Variants in RUNDC3B observed in about 807,000 individuals in gnomAD.
RUNDC3B encodes the protein RUN domain-containing protein 3B.
RUNDC3B carries 33 observed loss-of-function variants against 58.4 expected under a neutral mutation model. That is an observed-to-expected ratio of 0.56 (90% CI 0.43 to 0.75). The LOEUF is 0.75. Ranked by LOEUF, RUNDC3B falls within the 30% of genes least tolerant of loss-of-function variation. The pLI, the probability that RUNDC3B is intolerant of heterozygous loss-of-function variation, is 0.00. For synonymous variants in RUNDC3B, 193 were observed against 195.2 expected, an observed-to-expected ratio of 0.99 and a Z score of 0.10; for missense variants, 501 against 535.7, an observed-to-expected ratio of 0.94 and a Z score of 0.64.
intron 4 of RUNDC3B, among the ~76,000 whole-genome samples, chr7:87,725,513 C>T (rs990707429): frequency 6.6e-6 from 1 of 152,126 alleles, no homozygotes; most frequent in Non-Finnish European, 1.5e-5. Context: ...GGGTTAGTTC[C>T]AACTCTTTGC....
intron 1 of RUNDC3B, among the ~76,000 whole-genome samples, chr7:87,647,725 T>C (rs1823152942): frequency 6.6e-6 from 1 of 152,200 alleles, no homozygotes. Flanking sequence ...CCACTAGCTC[T>C]TTAGTCCACA....
chr7:87,714,680 A>G (rs940747392), intron 4 of RUNDC3B, among the ~76,000 whole-genome samples: 3 of 152,136 alleles, frequency 2.0e-5, no homozygotes, highest in African/African-American at 7.2e-5. Context: ...ATTCTCAGAA[A>G]GGAGTATGCC....
intron 4 of RUNDC3B, among the ~76,000 whole-genome samples, chr7:87,726,359 C>CA (rs1831230085): frequency 6.6e-6 from 1 of 152,158 alleles, no homozygotes; most frequent in Admixed American, 6.5e-5. Flanking sequence ...ATCCTTTCCC[C>CA]ATTGCTGGTT....
In RUNDC3B at chr7:87,758,803, T is replaced by C. The variant is rs114084203; in HGVS notation, c.630-11778T>C. On this transcript the variant is annotated intron_variant, in intron 6 of 10. Transcript: ENST00000394654. ...ATATCATCTCACTCTAGTTAAAATG[T>C]CCTTTATTCAAAAGACAGGCAATAA... is the stretch of plus-strand genomic sequence containing the variant. Among the ~76,000 whole-genome samples the C allele has an allele frequency of 2.9e-3, 447 of 152,224 alleles. 1 individual carries two copies. The highest frequency in any genetic ancestry group is 0.01 in the African/African-American group (424 of 41,552).
At chr7:87,653,182 A>G (rs1823752154) in intron 2 of RUNDC3B, among the ~76,000 whole-genome samples, 1 of 152,086 alleles carries the variant, frequency 6.6e-6, no homozygotes, top group African/African-American at 2.4e-5. Flanking sequence ...ATTAATAACA[A>G]TATTAGAATT....
chr7:87,695,607 T>C (rs965343115), intron 2 of RUNDC3B, among the ~76,000 whole-genome samples: 1 of 152,120 alleles, frequency 6.6e-6, no homozygotes, highest in Non-Finnish European at 1.5e-5. Context: ...ATATTTTAAC[T>C]AACAGAACTT....
At position 87,663,404 on chromosome 7, in the gene RUNDC3B, T is replaced by A. The variant is rs1259375223; in HGVS notation, c.238+12467T>A. On this transcript the variant is annotated intron_variant, in intron 2 of 10. Coordinates refer to ENST00000394654, the MANE Select transcript of RUNDC3B (RefSeq NM_001134405.2). ...CCTGTTTTCTCTCTATTTCCATCTA[T>A]CTAGTCAATACTTATTAAGCTTTCC... Among the ~76,000 whole-genome samples the A allele has an allele frequency of 2.6e-5, 4 of 152,164 alleles. No individual in the cohort carries two copies. In the East Asian group the frequency reaches 7.7e-4, roughly 29 times the overall value.
At chr7:87,689,220 GT>G (rs1827777259) in intron 2 of RUNDC3B, among the ~76,000 whole-genome samples, 1 of 151,974 alleles carries the variant, frequency 6.6e-6, no homozygotes, top group Non-Finnish European at 1.5e-5. Context: ...TTAAAGAAAT[GT>G]TTTAGTCTAC....
intron 10 of RUNDC3B, among the ~76,000 whole-genome samples, chr7:87,818,112 A>G (rs951662757): frequency 5.3e-5 from 8 of 152,282 alleles, no homozygotes; most frequent in Non-Finnish European, 1.0e-4. Flanking sequence ...TATATTTTAA[A>G]AGCTAATTCA....
chr7:87,778,551 A>C (rs758498067), intron 8 of RUNDC3B, among the ~76,000 whole-genome samples: 7 of 152,166 alleles, frequency 4.6e-5, no homozygotes, highest in Non-Finnish European at 1.0e-4. Flanking sequence ...ATATTATTCC[A>C]AATGCATATG....
At chr7:87,791,167 AAG>A (rs1341584389) in intron 8 of RUNDC3B, among the ~76,000 whole-genome samples, 14 of 152,164 alleles carry the variant, frequency 9.2e-5, no homozygotes, top group African/African-American at 3.4e-4. Context: ...TACAGGTCCG[AAG>A]AGAGTGGCAT....
intron 4 of RUNDC3B, among the ~76,000 whole-genome samples, chr7:87,714,792 A>G (rs1830404559): frequency 6.6e-6 from 1 of 151,874 alleles, no homozygotes; most frequent in African/African-American, 2.4e-5. Context: ...GCATCCGTTT[A>G]TAGGCTCTCC....
intron 7 of RUNDC3B, among the ~76,000 whole-genome samples, chr7:87,773,836 C>T (rs767560034): frequency 1.3e-5 from 2 of 152,044 alleles, no homozygotes; most frequent in African/African-American, 2.4e-5. Flanking sequence ...TGACACCACA[C>T]CTGGCCAATT....
chr7:87,830,083 T>C lies in RUNDC3B; in HGVS notation c.*53T>C. On this transcript the variant is annotated 3_prime_UTR_variant, in exon 11 of 11. Coordinates refer to ENST00000394654, the MANE Select transcript of RUNDC3B (RefSeq NM_001134405.2). The stretch of plus-strand genomic sequence containing the variant: ...TTATGTTGTAAATGTTTAATTTACA[T>C]GTTTGACTGCTGGGAAGACCTTTGA... The C allele has an allele frequency of 1.7e-6, 2 of 1,196,020 alleles. No individual in the cohort carries two copies. The highest frequency in any genetic ancestry group is 1.6e-5 in the African/African-American group (1 of 64,202). 74.1% of individuals were successfully genotyped at this position (1,196,020 alleles called of 1,614,324 possible).
At chr7:87,709,744 T>C (rs1465588778) in intron 3 of RUNDC3B, among the ~76,000 whole-genome samples, 1 of 152,204 alleles carries the variant, frequency 6.6e-6, no homozygotes, top group East Asian at 1.9e-4. Context: ...ATACTGCCAT[T>C]GCAGTGTTTC....
chr7:87,668,591 T>C (rs1825508581), intron 2 of RUNDC3B, among the ~76,000 whole-genome samples: 1 of 152,122 alleles, frequency 6.6e-6, no homozygotes, highest in African/African-American at 2.4e-5. Context: ...GAGATCTCTC[T>C]AACTTTTTGA....
intron 6 of RUNDC3B, among the ~76,000 whole-genome samples, chr7:87,763,651 C>G (rs1159374505): frequency 6.6e-6 from 1 of 151,626 alleles, no homozygotes; most frequent in East Asian, 1.9e-4. Flanking sequence ...TTTAGGCAAT[C>G]CATTTATTTT....
chr7:87,795,658 AC>A (rs1413956857), intron 8 of RUNDC3B, among the ~76,000 whole-genome samples: 2 of 151,292 alleles, frequency 1.3e-5, no homozygotes, highest in Non-Finnish European at 2.9e-5. Context: ...CAAGTGGATC[AC>A]CTGAGGTCAG....
intron 8 of RUNDC3B, among the ~76,000 whole-genome samples, chr7:87,800,653 C>CTT (rs571588791): frequency 0.029 from 4,039 of 137,562 alleles, 56 homozygotes; most frequent in Middle Eastern, 0.043. Flanking sequence ...CTTTTCTTTT[C>CTT]TTTTTTTTTT....
Sources: gnomAD v4.1 joint callset for allele counts (sites outside exome capture counted in the v4.1 genomes callset) on GRCh38, gnomAD v4.1.1 for gene constraint, MANE v1.5 for transcripts, NCBI Gene and HGNC (gene_info 2026-07-23, HGNC 2026-07-21) for gene names.